PHF20: variants seen among roughly 807,000 people sequenced by gnomAD.
PHF20 encodes glioma-expressed antigen 2.
A neutral mutation model predicts 113.5 loss-of-function variants in PHF20; 23 were observed. That is an observed-to-expected ratio of 0.20 (90% CI 0.15 to 0.29). The LOEUF is 0.29. Ranked by LOEUF, PHF20 falls within the 10% of genes least tolerant of loss-of-function variation. PHF20 has a pLI of 1.00. For missense variants in PHF20, 943 were observed against 1,219.6 expected (o/e 0.77, Z 3.38); for synonymous variants, 434 against 457.3 (o/e 0.95, Z 0.65).
chr20:35,878,222 A>AT (rs1457480405), intron 9 of PHF20, among the ~76,000 whole-genome samples: 1 of 152,198 alleles, frequency 6.6e-6, no homozygotes, highest in African/African-American at 2.4e-5. Context: ...AGAGAGATGA[A>AT]TGCGACATCT....
intron 1 of PHF20, among the ~76,000 whole-genome samples, chr20:35,785,930 G>A (rs1185940215): frequency 6.6e-6 from 1 of 151,364 alleles, no homozygotes; most frequent in Non-Finnish European, 1.5e-5. Flanking sequence ...TACTTGGGAG[G>A]CTGAGGCAGG....
chr20:35,806,761 T>C (rs1452692241), intron 2 of PHF20, among the ~76,000 whole-genome samples: 1 of 152,036 alleles, frequency 6.6e-6, no homozygotes, highest in Non-Finnish European at 1.5e-5. Flanking sequence ...ACAGGTTTTA[T>C]TTTATTTGTT....
intron 1 of PHF20, among the ~76,000 whole-genome samples, chr20:35,777,443 T>A (rs927457330): frequency 6.6e-6 from 1 of 152,250 alleles, no homozygotes; most frequent in African/African-American, 2.4e-5. Flanking sequence ...GCCTGGTATG[T>A]CTTCCTGGAT....
rs112695884 is a variant in PHF20 at position 35,875,270 on chromosome 20, C to T, written c.1282+3441C>T. On this transcript the variant is annotated intron_variant, in intron 9 of 17. Transcript: ENST00000374012. ...AAAATTTGCTGGGCTTGGTGGCGCA[C>T]GCCTGTAGTCCCAGCTACTCTGGAG... 5.9e-3 allele frequency among the ~76,000 whole-genome samples: 888 copies of T among 151,694 alleles called. 9 individuals are homozygous for T. Among genetic ancestry groups the T allele is most frequent in the African/African-American group, 0.02 (827 of 41,318 alleles).
In PHF20 at chr20:35,941,063, TG is replaced by T; in HGVS notation, c.2896+18del. The T allele has an allele frequency of 2.5e-6, 4 of 1,606,246 alleles. No homozygotes were observed. The highest frequency in any genetic ancestry group is 2.2e-5 in the South Asian group (2 of 90,284). ...GAGTTGGATGGTAGGGCTCCTTCAT[TG>T]GCCCCCTGTGCATTGGCATGCAGTC... On this transcript the variant is annotated intron_variant, in intron 17 of 17. Coordinates refer to ENST00000374012, the MANE Select transcript of PHF20 (RefSeq NM_016436.5).
intron 5 of PHF20, among the ~76,000 whole-genome samples, chr20:35,858,798 C>T (rs2146965026): frequency 6.6e-6 from 1 of 152,304 alleles, no homozygotes; most frequent in South Asian, 2.1e-4. Flanking sequence ...GTCTCGAACT[C>T]CTGACCTCAG....
chr20:35,811,107 C>T (rs564374809), intron 2 of PHF20, among the ~76,000 whole-genome samples: 1 of 152,088 alleles, frequency 6.6e-6, no homozygotes, highest in South Asian at 2.1e-4. Flanking sequence ...AGTGCAGTGG[C>T]GTGATCTCGG....
At chr20:35,922,023 G>A (rs1161227478) in intron 13 of PHF20, among the ~76,000 whole-genome samples, 1 of 152,152 alleles carries the variant, frequency 6.6e-6, no homozygotes, top group Non-Finnish European at 1.5e-5. Flanking sequence ...GAGGGTAGAG[G>A]TTAATATGCC....
intron 9 of PHF20, among the ~76,000 whole-genome samples, chr20:35,888,058 G>T (rs568079026): frequency 2.1e-5 from 3 of 146,230 alleles, no homozygotes; most frequent in Non-Finnish European, 4.5e-5. Flanking sequence ...TCGGCCCACC[G>T]CAACCTCCGC....
Position 35,947,504 on chromosome 20 carries a change from C to G in PHF20, c.2916C>G (p.Asp972Glu). ...KELDVLESWL[D>E]YTGELEPPEP... Reference sequence around the variant, plus strand: ...CGACAGTGTTGGAGAGCTGGCTGGACTACACTGGGGAACTGGAGCCCCCTG... The same window carrying G: ...CGACAGTGTTGGAGAGCTGGCTGGAGTACACTGGGGAACTGGAGCCCCCTG... Residue 972 changes from aspartate (D) to glutamate (E), a missense_variant, in exon 18 of 18, where the codon GAC becomes GAG. Around this residue, in one of 3 missense-constraint regions of PHF20, gnomAD observed 349 missense variants for 412.3 expected, o/e 0.85. Transcript: ENST00000374012. 6.2e-7 allele frequency: 1 copy of G among 1,614,046 alleles called. No individual in the cohort carries two copies. Among genetic ancestry groups the G allele is most frequent in the East Asian group, 2.2e-5 (1 of 44,878 alleles).
intron 2 of PHF20, among the ~76,000 whole-genome samples, chr20:35,821,184 C>T (rs1321329962): frequency 6.6e-6 from 1 of 151,954 alleles, no homozygotes; most frequent in Non-Finnish European, 1.5e-5. Context: ...TGCAGTGGCT[C>T]GCACCTGTAA....
chr20:35,807,135 G>C (rs2041898911), intron 2 of PHF20, among the ~76,000 whole-genome samples: 1 of 152,056 alleles, frequency 6.6e-6, no homozygotes. Flanking sequence ...GTATTGTTGA[G>C]TGTCTTGAAA....
At chr20:35,785,685 A>G (rs1008428001) in intron 1 of PHF20, among the ~76,000 whole-genome samples, 4 of 152,036 alleles carry the variant, frequency 2.6e-5, no homozygotes, top group African/African-American at 7.2e-5. Flanking sequence ...TAGGCATGAA[A>G]ATGTCTCTCA....
intron 2 of PHF20, among the ~76,000 whole-genome samples, chr20:35,814,043 A>AAAAT (rs1000855956): frequency 1.3e-4 from 19 of 151,690 alleles, no homozygotes; most frequent in African/African-American, 3.9e-4. Context: ...ATCTCTAAAT[A>AAAAT]AAATAAATAA....
intron 10 of PHF20, among the ~76,000 whole-genome samples, chr20:35,909,334 A>G (rs1343557462): frequency 6.6e-6 from 1 of 151,860 alleles, no homozygotes; most frequent in Non-Finnish European, 1.5e-5. Context: ...AGGGGGTGTT[A>G]TCTGTCTTTG....
intron 2 of PHF20, among the ~76,000 whole-genome samples, chr20:35,822,441 AAAG>A (rs1335198854): frequency 6.6e-6 from 1 of 151,784 alleles, no homozygotes; most frequent in Non-Finnish European, 1.5e-5. Flanking sequence ...AAAAAGAAAA[AAAG>A]TAAAGGAATT....
At chr20:35,790,512 C>T (rs80334636) in intron 1 of PHF20, among the ~76,000 whole-genome samples, 2,751 of 152,154 alleles carry the variant, frequency 0.018, 30 homozygotes, top group Non-Finnish European at 0.024. Flanking sequence ...GTGCTAATAA[C>T]TTTTATCTTC....
intron 10 of PHF20, among the ~76,000 whole-genome samples, chr20:35,905,311 A>G (rs928508788): frequency 1.3e-5 from 2 of 152,200 alleles, no homozygotes; most frequent in Admixed American, 1.3e-4. Context: ...TGAGAGGAGA[A>G]GGTGACATTT....
At chr20:35,783,597 T>A (rs193268080) in intron 1 of PHF20, among the ~76,000 whole-genome samples, 1,642 of 151,916 alleles carry the variant, frequency 0.011, 66 homozygotes, top group Admixed American at 0.072. Context: ...TTTTTTTTTT[T>A]TTATTATTTA....
Sources: allele counts gnomAD v4.1 joint callset (sites outside exome capture counted in the v4.1 genomes callset), GRCh38; gene constraint gnomAD v4.1.1; regional missense constraint gnomAD v4.1.1; transcripts MANE v1.5; gene names NCBI Gene and HGNC (gene_info 2026-07-23, HGNC 2026-07-21).